STYX: variants seen among roughly 807,000 people sequenced by gnomAD.
STYX encodes the protein serine/threonine/tyrosine-interacting protein.
In STYX, 20 loss-of-function variants were observed where a neutral mutation model predicts 42.7. The observed-to-expected ratio is 0.47, with a 90% confidence interval of 0.33 to 0.68. The LOEUF (loss-of-function observed/expected upper bound fraction) is 0.68. Ranked by LOEUF, STYX falls within the 30% of genes least tolerant of loss-of-function variation. The pLI is 0.02. For missense variants in STYX, 226 were observed against 268.5 expected, an observed-to-expected ratio of 0.84 and a Z score of 1.11; for synonymous variants, 78 against 81.9, an observed-to-expected ratio of 0.95 and a Z score of 0.26.
intron 1 of STYX, among the ~76,000 whole-genome samples, chr14:52,739,009 A>T (rs1881076240): frequency 6.6e-6 from 1 of 150,698 alleles, no homozygotes; most frequent in African/African-American, 2.5e-5. Flanking sequence ...CTTTCCTGTG[A>T]TACCCCCATG....
chr14:52,763,423 G>C (rs545830441), intron 9 of STYX, among the ~76,000 whole-genome samples: 2 of 152,180 alleles, frequency 1.3e-5, no homozygotes, highest in South Asian at 4.1e-4. Context: ...TGCTGCTGTT[G>C]TGAATTTCCT....
intron 2 of STYX, among the ~76,000 whole-genome samples, chr14:52,745,447 T>A (rs1454770392): frequency 6.6e-6 from 1 of 152,260 alleles, no homozygotes; most frequent in African/African-American, 2.4e-5. Context: ...TGAGTCACTT[T>A]CTTTTTCCTC....
At chr14:52,742,853 A>G (rs1419012608) in intron 1 of STYX, among the ~76,000 whole-genome samples, 3 of 150,950 alleles carry the variant, frequency 2.0e-5, no homozygotes, top group Admixed American at 6.6e-5. Context: ...CTGGAGTGCA[A>G]TGCCACGATC....
intron 10 of STYX, among the ~76,000 whole-genome samples, chr14:52,769,838 A>G (rs1471855009): frequency 1.3e-5 from 2 of 152,042 alleles, no homozygotes; most frequent in South Asian, 2.1e-4. Flanking sequence ...ACTTATTCCC[A>G]TGAAAGATAT....
intron 9 of STYX, among the ~76,000 whole-genome samples, chr14:52,762,882 CTTT>C (rs869029320): frequency 7.5e-5 from 2 of 26,842 alleles, no homozygotes; most frequent in African/African-American, 1.5e-4. Flanking sequence ...TTCTTTCTTT[CTTT>C]TTTTTTTTTT....
chr14:52,760,681 C>G (rs905663532), intron 9 of STYX, among the ~76,000 whole-genome samples: 1 of 152,192 alleles, frequency 6.6e-6, no homozygotes, highest in Admixed American at 6.5e-5. Flanking sequence ...TTACTACATT[C>G]AAAAGAGAAA....
At chr14:52,770,320 G>T (rs1882463450) in intron 10 of STYX, among the ~76,000 whole-genome samples, 2 of 152,070 alleles carry the variant, frequency 1.3e-5, no homozygotes, top group African/African-American at 4.8e-5. Flanking sequence ...TGATATAACA[G>T]TCCTGTAGGG....
In STYX at chr14:52,744,882, C is replaced by T. The variant is rs755058713; in HGVS notation, c.88C>T (p.Gln30Ter). The T allele has an allele frequency of 1.2e-6, 2 of 1,612,848 alleles. No homozygotes were observed. Among genetic ancestry groups the T allele is most frequent in the South Asian group, 1.1e-5 (1 of 90,876 alleles). Residue 30 changes from glutamine to a stop codon, truncating the protein, a stop_gained and splice_region_variant, in exon 2 of 11, where the codon CAG (glutamine) becomes TAG (stop). Coordinates refer to ENST00000354586, the MANE Select transcript of STYX (RefSeq NM_145251.4). LOFTEE classifies it high-confidence loss of function. ...EWTYPMRREM[Q>*]EILPGLFLGP... The stretch of plus-strand genomic sequence containing the variant: ...GACCTACCCTATGAGACGAGAGATG[C>T]AGGTATGGCAACCTTTTCTTTGTTC...
At chr14:52,762,335 T>C (rs1179442560) in intron 9 of STYX, among the ~76,000 whole-genome samples, 3 of 152,238 alleles carry the variant, frequency 2.0e-5, no homozygotes, top group South Asian at 2.1e-4. Flanking sequence ...TTTAGAAGTT[T>C]GAAGTTTTCT....
chr14:52,763,527 A>G (rs1446017341), intron 9 of STYX, among the ~76,000 whole-genome samples: 2 of 152,084 alleles, frequency 1.3e-5, no homozygotes, highest in Admixed American at 6.5e-5. Context: ...GCAGATTCTC[A>G]TCTGCATTAT....
At chr14:52,743,721 A>G (rs1295598962) in intron 1 of STYX, among the ~76,000 whole-genome samples, 2 of 152,236 alleles carry the variant, frequency 1.3e-5, no homozygotes, top group East Asian at 3.8e-4. Context: ...AATATTTTCC[A>G]GACTACTTCA....
rs1174291109 is a variant in STYX at position 52,730,637 on chromosome 14, G to A, written c.57+106G>A. ...TAGCCGCCACCTGTACGGGCGCCCT[G>A]CCTCCTAAGGGCGTCCCGGGACCTC... On this transcript the variant is annotated intron_variant, in intron 1 of 10. Transcript: ENST00000354586. 4 of 1,284,300 alleles carry A rather than the reference G, an allele frequency of 3.1e-6. No homozygotes were observed. The African/African-American group carries it at 4.4e-5, about 14-fold the overall frequency. 79.6% of individuals were successfully genotyped at this position (1,284,300 alleles called of 1,614,324 possible). A position where few individuals can be genotyped will look rare whatever the true frequency, so the allele number is the denominator to read the frequency against.
At chr14:52,732,353 A>G (rs1452749322) in intron 1 of STYX, among the ~76,000 whole-genome samples, 1 of 148,938 alleles carries the variant, frequency 6.7e-6, no homozygotes, top group Non-Finnish European at 1.5e-5. Context: ...GCTCACTGCA[A>G]GCTCTGCCTC....
chr14:52,757,355 G>A lies in STYX; in HGVS notation c.340G>A (p.Gly114Arg). 1 of 1,602,356 alleles carries A rather than the reference G, an allele frequency of 6.2e-7. No individual in the cohort carries two copies. ...EFIDGSLQMGGKVLVHGNAGI... is the reference protein window; with the variant it reads ...EFIDGSLQMGRKVLVHGNAGI... ...TATTGATGGGAGCTTACAAATGGGA[G>A]GTAAATAACATTTCCTTTCCTTAAC... The change falls in exon 6 of 11, where the codon GGA becomes AGA. Residue 114 changes from glycine (G) to arginine (R), a missense_variant and splice_region_variant. Transcript: ENST00000354586.
chr14:52,744,421 A>G (rs1555358731), intron 1 of STYX, among the ~76,000 whole-genome samples: 1 of 152,196 alleles, frequency 6.6e-6, no homozygotes, highest in Non-Finnish European at 1.5e-5. Context: ...TCCATTTCAG[A>G]TATTATTTGT....
chr14:52,756,245 G>A (rs1881862021), intron 4 of STYX, among the ~76,000 whole-genome samples: 1 of 151,998 alleles, frequency 6.6e-6, no homozygotes, highest in African/African-American at 2.4e-5. Context: ...CGAATCCCTG[G>A]GCTCAAGTGA....
At chr14:52,769,966 T>C (rs1882450826) in intron 10 of STYX, among the ~76,000 whole-genome samples, 3 of 152,150 alleles carry the variant, frequency 2.0e-5, no homozygotes, top group Non-Finnish European at 4.4e-5. Flanking sequence ...TGTTCTTCTT[T>C]ATGTCTGCAT....
intron 3 of STYX, among the ~76,000 whole-genome samples, chr14:52,748,264 T>A (rs1415138563): frequency 6.6e-6 from 1 of 152,168 alleles, no homozygotes; most frequent in Non-Finnish European, 1.5e-5. Flanking sequence ...TCTTGCTCTG[T>A]TACCCAGGCT....
At chr14:52,762,963 A>C (rs1278360521) in intron 9 of STYX, among the ~76,000 whole-genome samples, 1 of 134,560 alleles carries the variant, frequency 7.4e-6, no homozygotes, top group Non-Finnish European at 1.5e-5. Flanking sequence ...TGCAATCTCA[A>C]CTCACTGCAA....
Sources: gnomAD v4.1 joint callset for allele counts (sites outside exome capture counted in the v4.1 genomes callset) on GRCh38, gnomAD v4.1.1 for gene constraint, MANE v1.5 for transcripts, NCBI Gene and HGNC (gene_info 2026-07-23, HGNC 2026-07-21) for gene names.